NUB1: variants seen among roughly 807,000 people sequenced by gnomAD.
NUB1 encodes NEDD8 ultimate buster 1.
In NUB1, 41 loss-of-function variants were observed where a neutral mutation model predicts 77.1. The ratio of observed to expected loss-of-function variants is 0.53; its 90% CI spans 0.41 to 0.69. The LOEUF (loss-of-function observed/expected upper bound fraction) is 0.69, where lower values mean the gene tolerates loss of function less well. Ranked by LOEUF, NUB1 falls within the 30% of genes least tolerant of loss-of-function variation. The probability of loss-of-function intolerance (pLI) is 0.00; values close to 1 mark genes in which losing one functional copy is unlikely to be tolerated. For synonymous variants in NUB1, 257 were observed against 281.0 expected (o/e 0.91, Z 0.85); for missense variants, 643 against 743.8 (o/e 0.86, Z 1.58).
chr7:151,352,434 C>A (rs974243007), intron 4 of NUB1: 1 of 262,594 alleles, frequency 3.8e-6, no homozygotes, highest in East Asian at 1.1e-4. Flanking sequence ...ATGATTAAAG[C>A]CTTCTTTTAA....
intron 7 of NUB1, among the ~76,000 whole-genome samples, chr7:151,356,804 G>A (rs927199323): frequency 6.6e-5 from 10 of 152,068 alleles, no homozygotes; most frequent in African/African-American, 2.2e-4. Context: ...TGCAACCTCC[G>A]CCTCCTGGGT....
intron 9 of NUB1, among the ~76,000 whole-genome samples, chr7:151,367,488 A>T (rs1308233958): frequency 6.6e-6 from 1 of 152,218 alleles, no homozygotes; most frequent in East Asian, 1.9e-4. Context: ...AATGAGTCAC[A>T]GCTCAAGAGC....
intron 8 of NUB1, among the ~76,000 whole-genome samples, chr7:151,364,588 G>C (rs530715861): frequency 1.3e-5 from 2 of 152,098 alleles, no homozygotes; most frequent in South Asian, 4.2e-4. Flanking sequence ...GCAATGGCAC[G>C]ATCTCGGCTC....
chr7:151,360,355 G>A, intron 8 of NUB1, 108 bp downstream of exon 8: 1 of 586,342 alleles, frequency 1.7e-6, no homozygotes, highest in Non-Finnish European at 3.1e-6. Context: ...TACAACAGTG[G>A]TTAATGTAAA....
intron 11 of NUB1, among the ~76,000 whole-genome samples, chr7:151,372,253 T>C (rs745798767): frequency 1.3e-5 from 2 of 152,258 alleles, no homozygotes; most frequent in South Asian, 4.1e-4. Context: ...CTCACTGTCA[T>C]TGATTTGATC....
intron 1 of NUB1, among the ~76,000 whole-genome samples, chr7:151,344,524 G>A (rs956123699): frequency 2.6e-4 from 39 of 150,656 alleles, no homozygotes; most frequent in African/African-American, 8.5e-4. Context: ...GCTTCACCAT[G>A]TTGACCAGGC....
At chr7:151,355,413 G>A (rs1053424524) in intron 5 of NUB1, among the ~76,000 whole-genome samples, 3 of 152,208 alleles carry the variant, frequency 2.0e-5, no homozygotes, top group Admixed American at 6.5e-5. Context: ...AAGGCCTGAT[G>A]TCTGTAACCC....
Position 151,355,755 on chromosome 7 carries a change from CT to C in NUB1, c.416-12del, listed in dbSNP as rs1563016118. On this transcript the variant is annotated splice_polypyrimidine_tract_variant and intron_variant, in intron 5 of 14. Transcript: ENST00000568733. ...TGGCTTTTTAAAATAATAGGCAGTTCTGATTTTTATAGGGAAAACCCTTGAA... is the reference window on the plus strand; with the variant it reads ...TGGCTTTTTAAAATAATAGGCAGTTCGATTTTTATAGGGAAAACCCTTGAA... 1 of 1,563,920 alleles carries C rather than the reference CT, an allele frequency of 6.4e-7. No individual in the cohort carries two copies. Among genetic ancestry groups the C allele is most frequent in the South Asian group, 1.2e-5 (1 of 83,446 alleles).
chr7:151,345,017 G>T (rs1047328891), intron 1 of NUB1, among the ~76,000 whole-genome samples: 1 of 152,078 alleles, frequency 6.6e-6, no homozygotes, highest in Non-Finnish European at 1.5e-5. Flanking sequence ...AAAAAAAGAA[G>T]TTCACGACTC....
intron 11 of NUB1, among the ~76,000 whole-genome samples, chr7:151,371,363 A>ACCCCCCC (rs57489077): frequency 3.4e-5 from 4 of 118,772 alleles, no homozygotes; most frequent in African/African-American, 3.4e-5. Flanking sequence ...TTTTACCCCC[A>ACCCCCCC]CCCCCCACCC....
At position 151,368,877 on chromosome 7, in the gene NUB1, A is replaced by G. The variant is rs1351082304; in HGVS notation, c.1238A>G (p.Asn413Ser). Residue 413 changes from asparagine to serine, a missense_variant, in exon 11 of 15, where the codon AAC becomes AGC. Transcript: ENST00000568733. ...NVDHAATHIT[N>S]RREELAQIRK... ...GATCATGCGGCCACTCATATTACCA[A>G]CCGCAGAGAGGTACCCACTTTCACA... is the stretch of plus-strand genomic sequence containing the variant. 1.9e-6 allele frequency: 3 copies of G among 1,612,374 alleles called. No individual in the cohort carries two copies. The highest frequency in any genetic ancestry group is 2.5e-6 in the Non-Finnish European group (3 of 1,179,322).
chr7:151,348,127 C>T (rs762825564), intron 2 of NUB1, among the ~76,000 whole-genome samples: 17 of 152,092 alleles, frequency 1.1e-4, no homozygotes, highest in Non-Finnish European at 2.2e-4. Flanking sequence ...TGAATTTTGG[C>T]GATTTCAGAT....
At chr7:151,354,259 G>C (rs1796954225) in intron 5 of NUB1, among the ~76,000 whole-genome samples, 2 of 150,572 alleles carry the variant, frequency 1.3e-5, no homozygotes, top group Non-Finnish European at 2.9e-5. Context: ...ACTCACCTGT[G>C]GTGTTTTTTA....
chr7:151,362,951 T>C (rs887952084), intron 8 of NUB1, among the ~76,000 whole-genome samples: 4 of 152,236 alleles, frequency 2.6e-5, no homozygotes, highest in Admixed American at 6.5e-5. Flanking sequence ...CAGAAGGGTG[T>C]TGCCTCAGCA....
At position 151,377,334 on chromosome 7, in the gene NUB1, T is replaced by G; in HGVS notation, c.*109T>G. 2.8e-4 allele frequency: 178 copies of G among 628,292 alleles called. No homozygotes were observed. The highest frequency in any genetic ancestry group is 5.1e-4 in the Middle Eastern group (1 of 1,950). The allele number at this position is 628,292 out of a possible 1,614,324, so 38.9% of individuals were successfully genotyped here. Reference sequence around the variant, plus strand: ...TTTTATCTGAATTACAAGTCCTCTTTGGGTGTAGGAGGGGGTGGGCAGGGG... The same window carrying G: ...TTTTATCTGAATTACAAGTCCTCTTGGGGTGTAGGAGGGGGTGGGCAGGGG... On this transcript the variant is annotated 3_prime_UTR_variant, in exon 15 of 15. Coordinates refer to ENST00000568733, the MANE Select transcript of NUB1 (RefSeq NM_001243351.2).
At chr7:151,342,926 C>T (rs1365933392) in intron 1 of NUB1, among the ~76,000 whole-genome samples, 5 of 152,174 alleles carry the variant, frequency 3.3e-5, no homozygotes, top group Non-Finnish European at 4.4e-5. Context: ...CCACTGGCCT[C>T]GGCCTCCCAA....
In NUB1 at chr7:151,377,043, G is replaced by C; in HGVS notation, c.1670-4G>C. On this transcript the variant is annotated splice_region_variant and splice_polypyrimidine_tract_variant and intron_variant, in intron 14 of 14. Coordinates refer to ENST00000568733, the MANE Select transcript of NUB1 (RefSeq NM_001243351.2). ...TCACTTACTCCTGCGGTATTTTATT[G>C]TAGGAACCTCTAGTGCCTCAACAGA... is the stretch of plus-strand genomic sequence containing the variant. 2 of 1,540,528 alleles carry C rather than the reference G, an allele frequency of 1.3e-6. No individual in the cohort carries two copies. Among genetic ancestry groups the C allele is most frequent in the Non-Finnish European group, 1.7e-6 (2 of 1,144,640 alleles).
chr7:151,352,434 C>T, intron 4 of NUB1: 1 of 262,594 alleles, frequency 3.8e-6, no homozygotes, highest in South Asian at 4.0e-5. Flanking sequence ...ATGATTAAAG[C>T]CTTCTTTTAA....
chr7:151,360,463 A>T, intron 8 of NUB1: 1 of 466,788 alleles, frequency 2.1e-6, no homozygotes, highest in Non-Finnish European at 3.8e-6. Context: ...AGCAGGTAGG[A>T]TATCCTCTCT....
Sources: gnomAD v4.1 joint callset for allele counts (sites outside exome capture counted in the v4.1 genomes callset) on GRCh38, gnomAD v4.1.1 for gene constraint, MANE v1.5 for transcripts, NCBI Gene and HGNC (gene_info 2026-07-23, HGNC 2026-07-21) for gene names.